The following TTC39C variants were observed in gnomAD, a reference collection of about 807,000 sequenced individuals.
The protein encoded by TTC39C is tetratricopeptide repeat protein 39C.
Under a neutral mutation model 76.3 loss-of-function variants are expected in TTC39C, and 33 were observed. The ratio of observed to expected loss-of-function variants is 0.43; its 90% CI spans 0.33 to 0.58. The LOEUF is 0.58. Among genes scored for constraint, TTC39C ranks in the 20% least tolerant of loss-of-function variants. The pLI, the probability that TTC39C is intolerant of heterozygous loss-of-function variation, is 0.04. For synonymous variants in TTC39C, 254 were observed against 260.6 expected (o/e 0.97, Z 0.24); for missense variants, 595 against 701.4 (o/e 0.85, Z 1.71).
intron 1 of TTC39C, among the ~76,000 whole-genome samples, chr18:24,031,318 A>G (rs539192088): frequency 1.3e-5 from 2 of 152,312 alleles, no homozygotes; most frequent in Non-Finnish European, 2.9e-5. Flanking sequence ...ACCAAACCCA[A>G]GTGAAAAAGA....
chr18:24,130,250 TATA>T (rs1359818221), intron 11 of TTC39C, 60 bp from the exon 12 acceptor site: 1 of 857,128 alleles, frequency 1.2e-6, no homozygotes, highest in Non-Finnish European at 1.8e-6. Flanking sequence ...TCTTGAAGAT[TATA>T]ATAAGCCTTA....
At position 24,130,371 on chromosome 18, in the gene TTC39C, C is replaced by A; in HGVS notation, c.1577C>A (p.Pro526Gln). 6.3e-7 allele frequency: 1 copy of A among 1,585,746 alleles called. No homozygotes were observed. Among genetic ancestry groups the A allele is most frequent in the Non-Finnish European group, 8.6e-7 (1 of 1,166,950 alleles). Residue 526 changes from proline to glutamine, a missense_variant, in exon 12 of 14, where the codon CCG (proline) becomes CAG (glutamine). Transcript: ENST00000317571. ...LCRQNNLYVQ[P>Q]YACYELGCLL... ...CGTCAGAATAACTTATATGTTCAGC[C>A]GTATGCCTGTTATGAACTTGGCTGT...
intron 1 of TTC39C, among the ~76,000 whole-genome samples, chr18:24,007,568 G>C (rs768068352): frequency 2.0e-5 from 3 of 152,114 alleles, no homozygotes; most frequent in African/African-American, 4.8e-5. Flanking sequence ...ATTTTTAGTA[G>C]AGACAGGGTT....
Position 24,073,678 on chromosome 18 carries a change from G to C in TTC39C, c.460+4407G>C, listed in dbSNP as rs1599298935. Among the ~76,000 whole-genome samples, 3 of 152,024 alleles carry C rather than the reference G, an allele frequency of 2.0e-5. No homozygotes were observed. The South Asian group carries it at 6.2e-4, about 32-fold the overall frequency. ...CTACAGGCATGTACCACCACACCTG[G>C]CTAATTTTTTAAAAATTTTTTGTAG... On this transcript the variant is annotated intron_variant, in intron 4 of 13. Transcript: ENST00000317571.
At chr18:24,095,555 G>A (rs568984297) in intron 6 of TTC39C, among the ~76,000 whole-genome samples, 66 of 151,988 alleles carry the variant, frequency 4.3e-4, no homozygotes, top group Non-Finnish European at 7.2e-4. Context: ...AAAAATTAGC[G>A]GGACATGGTA....
chr18:24,067,551 G>A (rs1264930673), intron 3 of TTC39C, among the ~76,000 whole-genome samples: 3 of 152,142 alleles, frequency 2.0e-5, no homozygotes, highest in African/African-American at 7.2e-5. Flanking sequence ...ATTGTCATAG[G>A]AGCATGAACT....
At chr18:24,042,215 T>C (rs936610207) in intron 1 of TTC39C, among the ~76,000 whole-genome samples, 1 of 152,222 alleles carries the variant, frequency 6.6e-6, no homozygotes, top group African/African-American at 2.4e-5. Context: ...GGTTCTATTT[T>C]CTTAGGACCT....
chr18:24,068,257 A>C (rs1272695478), intron 3 of TTC39C, among the ~76,000 whole-genome samples: 1 of 152,224 alleles, frequency 6.6e-6, no homozygotes, highest in African/African-American at 2.4e-5. Flanking sequence ...ACAAACGAGG[A>C]AACAGAAGCA....
chr18:24,111,517 C>T (rs756947567), intron 6 of TTC39C, among the ~76,000 whole-genome samples: 36 of 151,060 alleles, frequency 2.4e-4, no homozygotes, highest in Non-Finnish European at 4.3e-4. Flanking sequence ...TGCATTGAGC[C>T]AAGATCACGC....
chr18:24,067,649 C>T (rs1201390914), intron 3 of TTC39C, among the ~76,000 whole-genome samples: 2 of 152,152 alleles, frequency 1.3e-5, no homozygotes, highest in Non-Finnish European at 2.9e-5. Flanking sequence ...CATCCTGAAA[C>T]CATTAACCCA....
At chr18:24,081,915 G>C (rs577154087) in intron 5 of TTC39C, among the ~76,000 whole-genome samples, 70 of 151,764 alleles carry the variant, frequency 4.6e-4, no homozygotes, top group African/African-American at 1.6e-3. Flanking sequence ...AGTGTCATTA[G>C]TATGAGCTCC....
intron 9 of TTC39C, among the ~76,000 whole-genome samples, chr18:24,125,217 C>T (rs955226542): frequency 6.6e-6 from 1 of 152,070 alleles, no homozygotes; most frequent in Non-Finnish European, 1.5e-5. Flanking sequence ...ATAGTAGGTT[C>T]AGTTGAATAA....
At chr18:24,040,733 G>A (rs577206072) in intron 1 of TTC39C, among the ~76,000 whole-genome samples, 7 of 152,208 alleles carry the variant, frequency 4.6e-5, no homozygotes, top group Admixed American at 1.3e-4. Flanking sequence ...CATCTAGCGC[G>A]CTCTCTCTCT....
rs534620942 is a variant in TTC39C, at chr18:24,045,768, T to C, written c.168-18372T>C. Among the ~76,000 whole-genome samples, 480 of 151,472 alleles carry C rather than the reference T, an allele frequency of 3.2e-3. 1 individual carries two copies. Among genetic ancestry groups the C allele is most frequent in the African/African-American group, 0.011 (470 of 41,286 alleles). On this transcript the variant is annotated intron_variant, in intron 1 of 13. Coordinates refer to ENST00000317571, the MANE Select transcript of TTC39C (RefSeq NM_001135993.2). ...CCTTATGTTGATCAAATAAAAACTT[T>C]AAATTATAAAGATAAATGCTTATTC...
At chr18:24,050,617 A>C (rs2083935744) in intron 1 of TTC39C, among the ~76,000 whole-genome samples, 1 of 151,374 alleles carries the variant, frequency 6.6e-6, no homozygotes, top group Non-Finnish European at 1.5e-5. Flanking sequence ...CATGCCTGTA[A>C]TCCCAGCCCT....
intron 6 of TTC39C, among the ~76,000 whole-genome samples, chr18:24,085,237 A>C (rs943028961): frequency 6.6e-6 from 1 of 152,218 alleles, no homozygotes; most frequent in African/African-American, 2.4e-5. Flanking sequence ...AAAGTTTAAA[A>C]TTGTGTGCAG....
At chr18:24,131,726 A>G (rs944868586) in intron 12 of TTC39C, among the ~76,000 whole-genome samples, 156 bp from the exon 13 acceptor site, 6 of 152,068 alleles carry the variant, frequency 3.9e-5, no homozygotes, top group African/African-American at 1.2e-4. Context: ...AAAAAAAAAA[A>G]AAGAAGAATA....
At chr18:24,104,658 C>A (rs1483102307) in intron 6 of TTC39C, among the ~76,000 whole-genome samples, 1 of 150,682 alleles carries the variant, frequency 6.6e-6, no homozygotes, top group Non-Finnish European at 1.5e-5. Flanking sequence ...AATGCCTAGA[C>A]CAGTGCCCAG....
At chr18:24,056,313 C>G (rs1427712414) in intron 1 of TTC39C, among the ~76,000 whole-genome samples, 3 of 152,026 alleles carry the variant, frequency 2.0e-5, no homozygotes, top group African/African-American at 7.3e-5. Flanking sequence ...GTTTATAATC[C>G]CCAGGAGTCG....
Sources: allele counts gnomAD v4.1 joint callset (sites outside exome capture counted in the v4.1 genomes callset), GRCh38; gene constraint gnomAD v4.1.1; transcripts MANE v1.5; gene names NCBI Gene and HGNC (gene_info 2026-07-23, HGNC 2026-07-21).